Variants in RBFOX2 observed in about 807,000 individuals in gnomAD.
RBFOX2 encodes RNA binding protein fox-1 homolog 2.
A neutral mutation model predicts 49.1 loss-of-function variants in RBFOX2; 10 were observed. The observed-to-expected ratio is 0.20, with a 90% CI of 0.13 to 0.35. The LOEUF (loss-of-function observed/expected upper bound fraction) is 0.35, where lower values mean the gene tolerates loss of function less well. Among genes scored for constraint, RBFOX2 ranks in the 10% least tolerant of loss-of-function variants. The pLI is 1.00. For missense variants in RBFOX2, 323 were observed against 486.9 expected (o/e 0.66, Z 3.17); for synonymous variants, 183 against 187.4 (o/e 0.98, Z 0.19).
intron 1 of RBFOX2, among the ~76,000 whole-genome samples, chr22:35,918,241 G>A (rs2050643848): frequency 6.6e-6 from 1 of 152,124 alleles, no homozygotes; most frequent in African/African-American, 2.4e-5. Flanking sequence ...AACATTTCTG[G>A]TGTACAAATT....
chr22:35,755,107 A>G (rs1170635269), intron 9 of RBFOX2, among the ~76,000 whole-genome samples: 6 of 152,190 alleles, frequency 3.9e-5, no homozygotes, highest in Admixed American at 3.9e-4. Context: ...AGGACCTCTT[A>G]TTGATTTTGG....
intron 1 of RBFOX2, among the ~76,000 whole-genome samples, chr22:35,879,764 A>C (rs183910698): frequency 6.6e-6 from 1 of 152,342 alleles, no homozygotes; most frequent in East Asian, 1.9e-4. Flanking sequence ...ATTAGAATAA[A>C]TTCTTCAGTG....
At chr22:35,936,335 T>C (rs774873409) in intron 1 of RBFOX2, among the ~76,000 whole-genome samples, 12 of 151,414 alleles carry the variant, frequency 7.9e-5, no homozygotes, top group Admixed American at 3.3e-4. Context: ...GCCAAAACCA[T>C]GCTGAGGAGA....
At chr22:35,864,570 A>C (rs939414701) in intron 1 of RBFOX2, among the ~76,000 whole-genome samples, 1 of 152,214 alleles carries the variant, frequency 6.6e-6, no homozygotes, top group African/African-American at 2.4e-5. Context: ...CAAAAGTAGA[A>C]ATAAGAAAAA....
At chr22:35,780,108 A>C (rs1944806814) in intron 3 of RBFOX2, among the ~76,000 whole-genome samples, 1 of 152,194 alleles carries the variant, frequency 6.6e-6, no homozygotes, top group African/African-American at 2.4e-5. Context: ...CTCTCTTCTC[A>C]GAAAAAATGG....
chr22:35,902,536 G>A (rs551914620), intron 1 of RBFOX2, among the ~76,000 whole-genome samples: 1 of 152,010 alleles, frequency 6.6e-6, no homozygotes, highest in Non-Finnish European at 1.5e-5. Context: ...ATCCACCAAA[G>A]CTGCCCTTGA....
intron 1 of RBFOX2, chr22:35,992,526 A>G (rs1004505916): frequency 6.6e-6 from 1 of 152,144 alleles, no homozygotes; most frequent in African/African-American, 2.4e-5. Flanking sequence ...GCTTACTAAA[A>G]CACCAGAAAA....
At chr22:35,961,592 A>G (rs971646789) in exon 1 of RBFOX2, 2 of 1,303,942 alleles carry the variant, frequency 1.5e-6, no homozygotes, top group African/African-American at 3.0e-5. Context: ...TGGTCCATGG[A>G]ATCTGATGAC....
At chr22:35,998,207 C>A (rs2150140149) in intron 1 of RBFOX2, 1 of 152,210 alleles carries the variant, frequency 6.6e-6, no homozygotes, top group African/African-American at 2.4e-5. Context: ...AATACAATAG[C>A]AAGGTATGAC....
At chr22:35,939,034 C>T, upstream of RBFOX2, 3 of 828,712 alleles carry the variant, frequency 3.6e-6, no homozygotes, top group Non-Finnish European at 6.1e-6. Flanking sequence ...TCCACCCTAC[C>T]TAAGTGTATA....
At chr22:35,755,225 G>A (rs1025428154) in intron 9 of RBFOX2, among the ~76,000 whole-genome samples, 6 of 152,152 alleles carry the variant, frequency 3.9e-5, no homozygotes, top group Non-Finnish European at 8.8e-5. Flanking sequence ...TGACTTGAGC[G>A]ACTAAATCAA....
intron 4 of RBFOX2, among the ~76,000 whole-genome samples, chr22:35,774,091 T>C (rs1943328388): frequency 6.6e-6 from 1 of 152,108 alleles, no homozygotes; most frequent in Admixed American, 6.5e-5. Context: ...AAGCATCATG[T>C]TTTCCTTTTC....
intron 1 of RBFOX2, among the ~76,000 whole-genome samples, chr22:35,867,914 T>A (rs1204032340): frequency 6.6e-6 from 1 of 152,136 alleles, no homozygotes. Flanking sequence ...CACACCACTT[T>A]TTAAAAACCA....
chr22:35,837,906 A>G (rs1744215693), intron 1 of RBFOX2, among the ~76,000 whole-genome samples: 1 of 152,160 alleles, frequency 6.6e-6, no homozygotes, highest in South Asian at 2.1e-4. Flanking sequence ...CACAATATTA[A>G]GTGTGCATAA....
intron 1 of RBFOX2, among the ~76,000 whole-genome samples, chr22:35,812,971 T>A (rs1952217065): frequency 6.6e-6 from 1 of 152,188 alleles, no homozygotes; most frequent in South Asian, 2.1e-4. Context: ...TTTCCTGCAA[T>A]CCACTTGTAG....
chr22:35,875,945 A>C (rs948838504), intron 1 of RBFOX2, among the ~76,000 whole-genome samples: 1 of 152,230 alleles, frequency 6.6e-6, no homozygotes, highest in Non-Finnish European at 1.5e-5. Context: ...AAATTTTGAA[A>C]GCTGTAGTTA....
chr22:35,981,825 G>A (rs1181642075), intron 1 of RBFOX2, among the ~76,000 whole-genome samples: 1 of 151,884 alleles, frequency 6.6e-6, no homozygotes, highest in Non-Finnish European at 1.5e-5. Flanking sequence ...TATGTTTGAG[G>A]CCCCAAAAGA....
intron 1 of RBFOX2, among the ~76,000 whole-genome samples, chr22:35,846,304 C>A (rs1285842232): frequency 6.9e-6 from 1 of 145,680 alleles, no homozygotes; most frequent in Non-Finnish European, 1.5e-5. Context: ...TAAGTATAAA[C>A]TATATAAGTA....
chr22:35,881,133 C>T (rs1245656065), intron 1 of RBFOX2, among the ~76,000 whole-genome samples: 4 of 152,012 alleles, frequency 2.6e-5, no homozygotes, highest in African/African-American at 7.2e-5. Flanking sequence ...GGCGTGGTGG[C>T]GGGCGCCTGT....
Sources: allele counts gnomAD v4.1 joint callset (sites outside exome capture counted in the v4.1 genomes callset), GRCh38; gene constraint gnomAD v4.1.1; transcripts MANE v1.5; gene names NCBI Gene and HGNC (gene_info 2026-07-23, HGNC 2026-07-21).